Variants in KCTD16 observed in about 807,000 individuals in gnomAD.
KCTD16 encodes the protein BTB/POZ domain-containing protein KCTD16.
Under a neutral mutation model 33.2 loss-of-function variants are expected in KCTD16, and 13 were observed. The ratio of observed to expected loss-of-function variants is 0.39; its 90% confidence interval spans 0.25 to 0.62. KCTD16 has a LOEUF of 0.62. Ranked by LOEUF, KCTD16 falls within the 20% of genes least tolerant of loss-of-function variation. KCTD16 has a pLI of 0.50. For missense variants in KCTD16, 441 were observed against 525.1 expected (o/e 0.84, Z 1.57); for synonymous variants, 197 against 195.3 (o/e 1.01, Z -0.07).
intron 3 of KCTD16, among the ~76,000 whole-genome samples, chr5:144,358,410 G>A (rs1028057256): frequency 1.6e-4 from 25 of 152,148 alleles, no homozygotes; most frequent in African/African-American, 6.0e-4. Flanking sequence ...CACCAACAGA[G>A]GAAACAAAAC....
chr5:144,208,324 G>A (rs1245909163), intron 3 of KCTD16, among the ~76,000 whole-genome samples: 2 of 152,170 alleles, frequency 1.3e-5, no homozygotes, highest in African/African-American at 4.8e-5. Context: ...TGATACTGAA[G>A]CCTTTTAAGT....
At chr5:144,316,003 T>C (rs1196457898) in intron 3 of KCTD16, among the ~76,000 whole-genome samples, 1 of 152,066 alleles carries the variant, frequency 6.6e-6, no homozygotes, top group Non-Finnish European at 1.5e-5. Flanking sequence ...TTTTTTTTTT[T>C]TAAAAGGTCA....
chr5:144,219,613 C>T (rs996823821), intron 3 of KCTD16, among the ~76,000 whole-genome samples: 1 of 148,568 alleles, frequency 6.7e-6, no homozygotes, highest in Non-Finnish European at 1.5e-5. Context: ...CTCCGCCTCT[C>T]GGAATCAAGT....
chr5:144,370,613 G>A (rs145554975), intron 3 of KCTD16, among the ~76,000 whole-genome samples: 182 of 152,246 alleles, frequency 1.2e-3, no homozygotes, highest in African/African-American at 4.0e-3. Context: ...TAATGCCAAG[G>A]CACATAGCAG....
intron 3 of KCTD16, among the ~76,000 whole-genome samples, chr5:144,306,782 C>T (rs773331808): frequency 2.2e-4 from 34 of 152,144 alleles, no homozygotes; most frequent in Non-Finnish European, 4.6e-4. Context: ...GCTAACAAAC[C>T]TTTCTAAATT....
At chr5:144,420,230 T>A (rs753252129) in intron 3 of KCTD16, among the ~76,000 whole-genome samples, 6 of 152,126 alleles carry the variant, frequency 3.9e-5, no homozygotes, top group Non-Finnish European at 8.8e-5. Context: ...GAAGCATCCC[T>A]GCCCTCTACC....
chr5:144,201,421 A>G (rs1250034293), intron 2 of KCTD16, among the ~76,000 whole-genome samples: 2 of 152,216 alleles, frequency 1.3e-5, no homozygotes, highest in Non-Finnish European at 2.9e-5. Context: ...ATGATTTTGG[A>G]TGTAGAACTC....
At chr5:144,449,095 A>G (rs1364847006) in intron 3 of KCTD16, among the ~76,000 whole-genome samples, 1 of 152,068 alleles carries the variant, frequency 6.6e-6, no homozygotes, top group Non-Finnish European at 1.5e-5. Flanking sequence ...TGCAATCAAT[A>G]TCTATATGTA....
At chr5:144,194,210 G>T (rs531654663) in intron 2 of KCTD16, among the ~76,000 whole-genome samples, 7 of 152,240 alleles carry the variant, frequency 4.6e-5, no homozygotes, top group African/African-American at 1.7e-4. Context: ...TGTATATAAA[G>T]CACCATGCTG....
At chr5:144,301,400 G>A (rs1751434887) in intron 3 of KCTD16, among the ~76,000 whole-genome samples, 1 of 152,124 alleles carries the variant, frequency 6.6e-6, no homozygotes, top group Non-Finnish European at 1.5e-5. Context: ...AAGAAAAACT[G>A]TAGGCTATAT....
At chr5:144,286,388 G>A (rs926937102) in intron 3 of KCTD16, among the ~76,000 whole-genome samples, 6 of 152,102 alleles carry the variant, frequency 3.9e-5, no homozygotes, top group African/African-American at 1.2e-4. Context: ...AAAAGTGTAT[G>A]TCCTTTCTCA....
chr5:144,327,197 GC>G (rs1278406321), intron 3 of KCTD16, among the ~76,000 whole-genome samples: 1 of 152,102 alleles, frequency 6.6e-6, no homozygotes, highest in Non-Finnish European at 1.5e-5. Flanking sequence ...AATATTGGTG[GC>G]CTGCAGCTAA....
At chr5:144,315,119 CCACA>C (rs1751870467) in intron 3 of KCTD16, among the ~76,000 whole-genome samples, 1 of 152,188 alleles carries the variant, frequency 6.6e-6, no homozygotes, top group Non-Finnish European at 1.5e-5. Flanking sequence ...CACAGCATAT[CCACA>C]CTATGAGATG....
intron 3 of KCTD16, among the ~76,000 whole-genome samples, chr5:144,437,517 T>C (rs1753605625): frequency 6.6e-6 from 1 of 152,102 alleles, no homozygotes; most frequent in South Asian, 2.1e-4. Flanking sequence ...TTTGTCAAGT[T>C]CTCAAAATAG....
At position 144,478,856 on chromosome 5, in the gene KCTD16, T is replaced by C. The variant is rs972671259; in HGVS notation, c.*4742T>C. Reference sequence around the variant, plus strand: ...CTAGGGCAGAATAGATTTTCATGAATTCTTTGCCATTTCATCTGCTGTCTG... The same window carrying C: ...CTAGGGCAGAATAGATTTTCATGAACTCTTTGCCATTTCATCTGCTGTCTG... On this transcript the variant is annotated 3_prime_UTR_variant, in exon 4 of 4. Coordinates refer to ENST00000512467, the MANE Select transcript of KCTD16 (RefSeq NM_020768.4). 14 of 152,020 alleles carry C rather than the reference T, an allele frequency of 9.2e-5. No individual in the cohort carries two copies. The highest frequency in any genetic ancestry group is 1.0e-4 in the Non-Finnish European group (7 of 67,948). The allele number at this position is 152,020 out of a possible 1,614,324, so 9.4% of individuals were successfully genotyped here.
chr5:144,171,977 A>T (rs1459642909), intron 1 of KCTD16, among the ~76,000 whole-genome samples: 1 of 152,220 alleles, frequency 6.6e-6, no homozygotes, highest in African/African-American at 2.4e-5. Context: ...GGTTTATAGC[A>T]ATAAAATTTA....
intron 3 of KCTD16, among the ~76,000 whole-genome samples, chr5:144,302,276 A>G (rs758105970): frequency 2.6e-5 from 4 of 152,354 alleles, no homozygotes; most frequent in South Asian, 2.1e-4. Flanking sequence ...TACTCTGGGC[A>G]GGTGTCAGGG....
intron 2 of KCTD16, among the ~76,000 whole-genome samples, chr5:144,193,359 G>A (rs1373090959): frequency 2.6e-5 from 4 of 151,954 alleles, no homozygotes; most frequent in Admixed American, 1.3e-4. Context: ...GGCTTTCTTG[G>A]TTCCTTGAAC....
chr5:144,267,895 G>A (rs1484111419), intron 3 of KCTD16, among the ~76,000 whole-genome samples: 1 of 152,078 alleles, frequency 6.6e-6, no homozygotes, highest in East Asian at 1.9e-4. Flanking sequence ...ACAAAAGGAG[G>A]TATTAGTTAT....
Sources: gnomAD v4.1 joint callset for allele counts (sites outside exome capture counted in the v4.1 genomes callset) on GRCh38, gnomAD v4.1.1 for gene constraint, MANE v1.5 for transcripts, NCBI Gene and HGNC (gene_info 2026-07-23, HGNC 2026-07-21) for gene names.